The following RNF216 variants were observed in gnomAD, a reference collection of about 807,000 sequenced individuals.
RNF216 encodes ring finger protein 216.
In RNF216, 72 loss-of-function variants were observed where a neutral mutation model predicts 110.8. The ratio of observed to expected loss-of-function variants is 0.65; its 90% CI spans 0.54 to 0.79. The LOEUF (loss-of-function observed/expected upper bound fraction) is 0.79, where lower values mean the gene tolerates loss of function less well. Among genes scored for constraint, RNF216 ranks in the 30% least tolerant of loss-of-function variants. The pLI is 0.00. For synonymous variants in RNF216, 495 were observed against 407.5 expected (o/e 1.21, Z -2.59); for missense variants, 1,342 against 1,141.2 (o/e 1.18, Z -2.54).
intron 15 of RNF216, among the ~76,000 whole-genome samples, chr7:5,627,214 ACACACACACCGGGC>A (rs1267677802): frequency 6.6e-6 from 1 of 152,188 alleles, no homozygotes; most frequent in Non-Finnish European, 1.5e-5. Context: ...ACTGGGACAA[ACACACACACCGGGC>A]CACTCAATGG....
chr7:5,780,098 C>A (rs1796998308), intron 1 of RNF216: 1 of 152,142 alleles, frequency 6.6e-6, no homozygotes, highest in Admixed American at 6.6e-5. Context: ...TGGCTCCTAA[C>A]CTCTAAAACA....
At chr7:5,757,484 T>C (rs1445683225) in intron 2 of RNF216, among the ~76,000 whole-genome samples, 1 of 152,172 alleles carries the variant, frequency 6.6e-6, no homozygotes, top group Admixed American at 6.6e-5. Flanking sequence ...AATCTTTATT[T>C]TACCTTCATT....
chr7:5,740,839 T>C (rs1794711164), intron 4 of RNF216, 134 bp downstream of exon 4: 1 of 787,276 alleles, frequency 1.3e-6, no homozygotes. Context: ...TTCTATTCTG[T>C]ACATCTAGAT....
In RNF216 at chr7:5,741,733, C is replaced by A; in HGVS notation, c.284G>T (p.Arg95Met). The change falls in exon 4 of 17, where the codon AGG becomes ATG. Residue 95 changes from arginine to methionine, a missense_variant. By Grantham distance (91) the Arg-to-Met change is moderately conservative. Coordinates refer to ENST00000389902, the MANE Select transcript of RNF216 (RefSeq NM_207111.4). Reference protein sequence around the residue: ...WQDLKRLGEERPKKSRAAFES... With the variant: ...WQDLKRLGEEMPKKSRAAFES... ...AAATGCTGCTCTAGACTTTTTAGGCCTTTCTTCTCCCAACCTTTTCAGATC... is the reference window on the plus strand; with the variant it reads ...AAATGCTGCTCTAGACTTTTTAGGCATTTCTTCTCCCAACCTTTTCAGATC... 1 of 1,614,146 alleles carries A rather than the reference C, an allele frequency of 6.2e-7. No individual in the cohort carries two copies. The highest frequency in any genetic ancestry group is 8.5e-7 in the Non-Finnish European group (1 of 1,180,026).
intron 1 of RNF216, among the ~76,000 whole-genome samples, chr7:5,770,154 G>T (rs556054250): frequency 3.3e-5 from 5 of 150,114 alleles, no homozygotes; most frequent in African/African-American, 1.2e-4. Context: ...TAAGGCCAGC[G>T]AAACCCCATC....
intron 13 of RNF216, among the ~76,000 whole-genome samples, chr7:5,661,997 C>T (rs865809171): frequency 2.0e-5 from 3 of 152,260 alleles, no homozygotes; most frequent in East Asian, 3.9e-4. Context: ...CCCAAGGGCA[C>T]GTGGCTATGA....
In RNF216 at chr7:5,669,846, C is replaced by G. The variant is rs112832463; in HGVS notation, c.2062-17336G>C. On this transcript the variant is annotated intron_variant, in intron 13 of 16. Transcript: ENST00000389902. The stretch of plus-strand genomic sequence containing the variant: ...GGTGGAGATAACATCGAGCTGAGAT[C>G]GCACCACTGCACTCCAGCCTGGGCA... Among the ~76,000 whole-genome samples, 824 of 151,994 alleles carry G rather than the reference C, an allele frequency of 5.4e-3. 8 individuals carry two copies. Among genetic ancestry groups the G allele is most frequent in the African/African-American group, 0.019 (778 of 41,470 alleles).
chr7:5,764,752 T>C (rs1796112623), intron 1 of RNF216, among the ~76,000 whole-genome samples: 1 of 152,112 alleles, frequency 6.6e-6, no homozygotes, highest in Non-Finnish European at 1.5e-5. Context: ...AATTCTATGA[T>C]CCCTTAAATT....
intron 13 of RNF216, among the ~76,000 whole-genome samples, chr7:5,668,615 A>G (rs1696649987): frequency 6.6e-6 from 1 of 152,166 alleles, no homozygotes; most frequent in South Asian, 2.1e-4. Flanking sequence ...ACTGAGGATG[A>G]GGGTCAAAGG....
intron 15 of RNF216, among the ~76,000 whole-genome samples, chr7:5,625,359 T>C (rs76505470): frequency 6.6e-6 from 1 of 152,230 alleles, no homozygotes; most frequent in Non-Finnish European, 1.5e-5. Context: ...AGCACATTTA[T>C]TTTCCTAGAC....
At chr7:5,643,175 A>G (rs1291689362) in intron 14 of RNF216, among the ~76,000 whole-genome samples, 1 of 152,164 alleles carries the variant, frequency 6.6e-6, no homozygotes, top group Non-Finnish European at 1.5e-5. Flanking sequence ...AATATTGCTG[A>G]AATGTTAAAC....
At chr7:5,780,654 G>A (rs1424382371) in intron 1 of RNF216, among the ~76,000 whole-genome samples, 1 of 151,992 alleles carries the variant, frequency 6.6e-6, no homozygotes, top group African/African-American at 2.4e-5. Flanking sequence ...GCAGTGAGCC[G>A]GGATCGCGCC....
chr7:5,664,444 G>GA (rs1268616058), intron 13 of RNF216, among the ~76,000 whole-genome samples: 1 of 152,204 alleles, frequency 6.6e-6, no homozygotes, highest in Non-Finnish European at 1.5e-5. Context: ...GATGGTGTGA[G>GA]AAAGTACTGC....
At chr7:5,714,793 T>G (rs1309908084) in intron 11 of RNF216, among the ~76,000 whole-genome samples, 1 of 152,166 alleles carries the variant, frequency 6.6e-6, no homozygotes, top group African/African-American at 2.4e-5. Context: ...TCCCTCTGAA[T>G]ACAAATAAGA....
At chr7:5,713,542 G>C (rs1040879412) in intron 11 of RNF216, 2 of 152,250 alleles carry the variant, frequency 1.3e-5, no homozygotes, top group African/African-American at 4.8e-5. Flanking sequence ...GAGGCAGACT[G>C]AATCACCCCA....
At chr7:5,698,883 C>T (rs1301375287) in intron 13 of RNF216, among the ~76,000 whole-genome samples, 3 of 152,206 alleles carry the variant, frequency 2.0e-5, no homozygotes, top group Non-Finnish European at 4.4e-5. Flanking sequence ...TGCACATTTT[C>T]TCATCTCTTA....
intron 1 of RNF216, among the ~76,000 whole-genome samples, chr7:5,779,000 T>G (rs1206732981): frequency 6.6e-6 from 1 of 152,244 alleles, no homozygotes; most frequent in Non-Finnish European, 1.5e-5. Context: ...CGCCTCGGCC[T>G]CCCAAAGTGC....
intron 1 of RNF216, among the ~76,000 whole-genome samples, chr7:5,764,474 G>T (rs1001590918): frequency 6.6e-6 from 1 of 151,464 alleles, no homozygotes; most frequent in Admixed American, 6.6e-5. Flanking sequence ...ATGGCAAAAC[G>T]CCGTCTCTAC....
At chr7:5,762,764 C>T (rs1296109549) in intron 1 of RNF216, among the ~76,000 whole-genome samples, 1 of 152,004 alleles carries the variant, frequency 6.6e-6, no homozygotes, top group Non-Finnish European at 1.5e-5. Context: ...AACTTCAGGA[C>T]AGTGACTATT....
Sources: allele counts gnomAD v4.1 joint callset (sites outside exome capture counted in the v4.1 genomes callset), GRCh38; gene constraint gnomAD v4.1.1; transcripts MANE v1.5; gene names NCBI Gene and HGNC (gene_info 2026-07-23, HGNC 2026-07-21).